Variants in KIAA1958 observed in about 807,000 individuals in gnomAD.
The protein encoded by KIAA1958 is KIAA1958, also known as uncharacterized protein KIAA1958.
Under a neutral mutation model 47.2 loss-of-function variants are expected in KIAA1958, and 14 were observed. The ratio of observed to expected loss-of-function variants is 0.30; its 90% confidence interval spans 0.20 to 0.46. The LOEUF is 0.46. Among genes scored for constraint, KIAA1958 ranks in the 20% least tolerant of loss-of-function variants. The probability of loss-of-function intolerance (pLI) is 1.00; values close to 1 mark genes in which losing one functional copy is unlikely to be tolerated. For synonymous variants in KIAA1958, 354 were observed against 353.3 expected (o/e 1.00, Z -0.02); for missense variants, 803 against 909.2 (o/e 0.88, Z 1.50).
At chr9:112,655,861 T>C (rs1758490815) in intron 3 of KIAA1958, among the ~76,000 whole-genome samples, 1 of 152,196 alleles carries the variant, frequency 6.6e-6, no homozygotes, top group African/African-American at 2.4e-5. Context: ...ATTTTGAAAC[T>C]GGATCTCCAG....
At chr9:112,633,883 T>C (rs1836753399) in intron 2 of KIAA1958, among the ~76,000 whole-genome samples, 1 of 152,346 alleles carries the variant, frequency 6.6e-6, no homozygotes, top group South Asian at 2.1e-4. Flanking sequence ...TATGGGGTCC[T>C]AGGGTTATTT....
At chr9:112,542,140 A>T (rs186897469) in intron 1 of KIAA1958, among the ~76,000 whole-genome samples, 1 of 152,334 alleles carries the variant, frequency 6.6e-6, no homozygotes, top group East Asian at 1.9e-4. Flanking sequence ...AACTGAGTTC[A>T]TATTTCCCAA....
chr9:112,580,222 G>A (rs1376105723), intron 2 of KIAA1958, among the ~76,000 whole-genome samples: 1 of 152,184 alleles, frequency 6.6e-6, no homozygotes, highest in Non-Finnish European at 1.5e-5. Flanking sequence ...ATTCTTGAGA[G>A]GGGCAGTAAA....
At chr9:112,636,105 TTTA>T (rs1317595482) in intron 2 of KIAA1958, among the ~76,000 whole-genome samples, 2 of 148,314 alleles carry the variant, frequency 1.3e-5, no homozygotes, top group African/African-American at 4.9e-5. Flanking sequence ...AATTGTTTAT[TTTA>T]TATATATATA....
chr9:112,514,588 GC>G (rs1564155002), intron 1 of KIAA1958, among the ~76,000 whole-genome samples: 2 of 14,752 alleles, frequency 1.4e-4, no homozygotes, highest in Non-Finnish European at 2.4e-4. Flanking sequence ...GGGGGGGTCA[GC>G]CCCCCCACCC....
At chr9:112,597,746 G>A (rs1201020106) in intron 2 of KIAA1958, among the ~76,000 whole-genome samples, 1 of 152,196 alleles carries the variant, frequency 6.6e-6, no homozygotes, top group Admixed American at 6.5e-5. Context: ...TTTGTTGAAT[G>A]TTGAAGCAAA....
intron 1 of KIAA1958, among the ~76,000 whole-genome samples, chr9:112,512,353 AGG>A (rs1834337396): frequency 6.6e-6 from 1 of 152,328 alleles, no homozygotes; most frequent in Admixed American, 6.5e-5. Context: ...TTCAAAACTC[AGG>A]AAAACAGTTT....
intron 1 of KIAA1958, among the ~76,000 whole-genome samples, chr9:112,493,119 A>G (rs1356018283): frequency 1.3e-5 from 2 of 151,436 alleles, no homozygotes; most frequent in Non-Finnish European, 2.9e-5. Flanking sequence ...GGAAGTGCTA[A>G]TGCTGTTATT....
rs1835620524 is a variant in KIAA1958, at chr9:112,575,093, C to T, written c.1013C>T (p.Ala338Val). 2 of 1,611,790 alleles carry T rather than the reference C, an allele frequency of 1.2e-6. No individual in the cohort carries two copies. Among genetic ancestry groups the T allele is most frequent in the Non-Finnish European group, 1.7e-6 (2 of 1,179,996 alleles). Residue 338 changes from alanine to valine, a missense_variant, in exon 2 of 4, where the codon GCC (alanine) becomes GTC (valine). Ala to Val is a moderately conservative substitution (Grantham distance 64). Transcript: ENST00000337530. The stretch of plus-strand genomic sequence containing the variant: ...CTGCCTGGACAGGATGAGCAAGTTG[C>T]CTCTGAAGAGTTCCTGTCCCATCTG... ...LQLPGQDEQV[A>V]SEEFLSHLPS...
rs565184648 is a variant in KIAA1958 at position 112,545,926 on chromosome 9, A to G, written c.-24-28131A>G. The stretch of plus-strand genomic sequence containing the variant: ...TGGATATTATTGATGTATGAAATAC[A>G]TAAACTTGTCAGATGCTTTGTGAGT... On this transcript the variant is annotated intron_variant, in intron 1 of 3. Coordinates refer to ENST00000337530, the MANE Select transcript of KIAA1958 (RefSeq NM_133465.4). Among the ~76,000 whole-genome samples the G allele has an allele frequency of 4.0e-5, 6 of 151,384 alleles. No individual in the cohort carries two copies. In the South Asian group the frequency reaches 1.3e-3, roughly 32 times the overall value.
chr9:112,533,572 C>T (rs1471424921), intron 1 of KIAA1958, among the ~76,000 whole-genome samples: 7 of 102,898 alleles, frequency 6.8e-5, no homozygotes, highest in South Asian at 4.1e-4. Flanking sequence ...CACAGCGAGA[C>T]TCCATCCCAA....
intron 1 of KIAA1958, among the ~76,000 whole-genome samples, chr9:112,490,763 G>A (rs533596553): frequency 3.5e-4 from 53 of 152,342 alleles, no homozygotes; most frequent in Admixed American, 5.9e-4. Flanking sequence ...CACTTAAACA[G>A]TTGGAGAGCT....
At chr9:112,496,806 CCT>C (rs1172045481) in intron 1 of KIAA1958, among the ~76,000 whole-genome samples, 1 of 152,116 alleles carries the variant, frequency 6.6e-6, no homozygotes, top group African/African-American at 2.4e-5. Flanking sequence ...TAAAAAAGAT[CCT>C]CTCTTTTTGA....
intron 1 of KIAA1958, among the ~76,000 whole-genome samples, chr9:112,506,112 T>A (rs1345000680): frequency 1.3e-5 from 2 of 152,162 alleles, no homozygotes; most frequent in African/African-American, 2.4e-5. Flanking sequence ...TGGTAAAATC[T>A]GAAGTATGGA....
At chr9:112,626,285 T>C (rs1836608182) in intron 2 of KIAA1958, among the ~76,000 whole-genome samples, 1 of 152,216 alleles carries the variant, frequency 6.6e-6, no homozygotes, top group South Asian at 2.1e-4. Context: ...TTTAAACGTT[T>C]CACAAATTTT....
chr9:112,559,005 C>G (rs999820355), intron 1 of KIAA1958, among the ~76,000 whole-genome samples: 1 of 152,202 alleles, frequency 6.6e-6, no homozygotes, highest in Non-Finnish European at 1.5e-5. Flanking sequence ...TACATGCCTG[C>G]ATGTTTCATC....
At chr9:112,563,351 A>G (rs182021576) in intron 1 of KIAA1958, among the ~76,000 whole-genome samples, 40 of 152,244 alleles carry the variant, frequency 2.6e-4, no homozygotes, top group African/African-American at 7.0e-4. Flanking sequence ...GACTCTTCCA[A>G]TCCACTAATA....
chr9:112,539,692 C>G (rs569239479), intron 1 of KIAA1958, among the ~76,000 whole-genome samples: 1 of 150,338 alleles, frequency 6.7e-6, no homozygotes, highest in Non-Finnish European at 1.5e-5. Flanking sequence ...ATTTTTTTTG[C>G]GGGGGTGGGG....
intron 1 of KIAA1958, among the ~76,000 whole-genome samples, chr9:112,504,876 A>C (rs1029960607): frequency 6.6e-6 from 1 of 152,220 alleles, no homozygotes; most frequent in Admixed American, 6.5e-5. Context: ...TAACATGTGT[A>C]TAATGCGTAG....
Sources: allele counts gnomAD v4.1 joint callset (sites outside exome capture counted in the v4.1 genomes callset), GRCh38; gene constraint gnomAD v4.1.1; transcripts MANE v1.5; gene names NCBI Gene and HGNC (gene_info 2026-07-23, HGNC 2026-07-21).